The following PDPN variants were observed in gnomAD, a reference collection of about 807,000 sequenced individuals.
The protein encoded by PDPN is PA2.26 antigen.
PDPN carries 12 observed loss-of-function variants against 23.2 expected under a neutral mutation model. That is an observed-to-expected ratio of 0.52 (90% CI 0.33 to 0.84). The LOEUF is 0.84. Ranked by LOEUF, PDPN falls within the 40% of genes least tolerant of loss-of-function variation. The probability of loss-of-function intolerance (pLI) is 0.02; values close to 1 mark genes in which losing one functional copy is unlikely to be tolerated. For synonymous variants in PDPN, 77 were observed against 76.7 expected, an observed-to-expected ratio of 1.00 and a Z score of -0.02; for missense variants, 199 against 212.2, an observed-to-expected ratio of 0.94 and a Z score of 0.39.
At chr1:13,592,870 G>A (rs558724142) in intron 1 of PDPN, among the ~76,000 whole-genome samples, 6 of 152,200 alleles carry the variant, frequency 3.9e-5, no homozygotes, top group South Asian at 2.1e-4. Context: ...TTCTTTCTTC[G>A]CTGAAGAATC....
chr1:13,585,182 A>G (rs796637640), intron 1 of PDPN, among the ~76,000 whole-genome samples: 4 of 152,262 alleles, frequency 2.6e-5, no homozygotes, highest in African/African-American at 9.6e-5. Context: ...TTTTCCAAAA[A>G]TTGAGGATCA....
At chr1:13,599,944 A>C (rs906893960) in intron 1 of PDPN, among the ~76,000 whole-genome samples, 9 of 152,220 alleles carry the variant, frequency 5.9e-5, no homozygotes, top group Non-Finnish European at 1.3e-4. Flanking sequence ...TGCTCAAAGC[A>C]ACACCTCCTT....
chr1:13,584,380 C>G, intron 1 of PDPN: 1 of 1,353,110 alleles, frequency 7.4e-7, no homozygotes, highest in Non-Finnish European at 9.8e-7. Flanking sequence ...GTCGGCAGCA[C>G]CAGAGAGATC....
intron 1 of PDPN, among the ~76,000 whole-genome samples, chr1:13,593,927 C>A (rs1378116361): frequency 6.6e-6 from 1 of 152,224 alleles, no homozygotes; most frequent in Non-Finnish European, 1.5e-5. Flanking sequence ...TGATTTCAGT[C>A]TACAAAACTG....
chr1:13,585,275 G>A (rs747069295), intron 1 of PDPN, among the ~76,000 whole-genome samples: 2 of 152,158 alleles, frequency 1.3e-5, no homozygotes, highest in Non-Finnish European at 2.9e-5. Flanking sequence ...CTCCTACAAT[G>A]GTCCACACAG....
intron 4 of PDPN, 145 bp downstream of exon 4, chr1:13,613,870 C>CTTT (rs34784418): frequency 9.2e-5 from 20 of 218,274 alleles, no homozygotes; most frequent in South Asian, 1.6e-4. Context: ...AGATTTCAAG[C>CTTT]TTTTTTTTTT....
At chr1:13,584,417 C>T (rs1640121315) in intron 1 of PDPN, 2 of 1,041,910 alleles carry the variant, frequency 1.9e-6, no homozygotes, top group Admixed American at 5.9e-5. Context: ...GTAGGCAGCC[C>T]CGCTTGCTGG....
chr1:13,603,658 A>G (rs1377072243), intron 1 of PDPN, among the ~76,000 whole-genome samples: 1 of 149,836 alleles, frequency 6.7e-6, no homozygotes. Flanking sequence ...GCATGATCTC[A>G]GCTCCCTGCA....
At chr1:13,592,087 C>T (rs982126767) in intron 1 of PDPN, among the ~76,000 whole-genome samples, 3 of 152,214 alleles carry the variant, frequency 2.0e-5, no homozygotes, top group African/African-American at 7.2e-5. Context: ...TCTTTTTATG[C>T]ACTTCTTCGC....
At chr1:13,588,996 A>ATTGAATAGTGCTACTATTCAATAAC (rs1223644848) in intron 1 of PDPN, among the ~76,000 whole-genome samples, 1 of 151,720 alleles carries the variant, frequency 6.6e-6, no homozygotes. Context: ...TATTCAATAA[A>ATTGAATAGTGCTACTATTCAATAAC]TATTTATTGA....
chr1:13,586,795 T>A (rs942690263), intron 1 of PDPN, among the ~76,000 whole-genome samples: 24 of 137,852 alleles, frequency 1.7e-4, no homozygotes, highest in Non-Finnish European at 3.0e-4. Flanking sequence ...AGGCTGGGCA[T>A]GGTGGCTCAC....
chr1:13,599,333 A>G (rs1304359886), intron 1 of PDPN, among the ~76,000 whole-genome samples: 4 of 148,206 alleles, frequency 2.7e-5, no homozygotes, highest in Admixed American at 1.3e-4. Flanking sequence ...TGAGATCTGA[A>G]GGCATGAGGG....
chr1:13,585,137 T>TG (rs1640142494), intron 1 of PDPN, among the ~76,000 whole-genome samples: 1 of 152,208 alleles, frequency 6.6e-6, no homozygotes, highest in African/African-American at 2.4e-5. Context: ...TCTTTGGGGC[T>TG]GGAGGTTGCT....
At chr1:13,584,143 A>C in intron 1 of PDPN, 43 bp downstream of exon 1, 1 of 1,600,986 alleles carries the variant, frequency 6.2e-7, no homozygotes, top group Non-Finnish European at 8.5e-7. Context: ...GCTGATGGGG[A>C]CGAGCGAGCA....
intron 1 of PDPN, chr1:13,584,346 G>A: frequency 4.1e-6 from 6 of 1,475,496 alleles, no homozygotes; most frequent in Non-Finnish European, 5.4e-6. Context: ...TGCGAGGTGG[G>A]CAGCACAGGG....
intron 3 of PDPN, 28 bp downstream of exon 3, chr1:13,610,544 GC>G (rs764011879): frequency 8.1e-6 from 13 of 1,605,870 alleles, no homozygotes; most frequent in African/African-American, 1.3e-5. Flanking sequence ...CTCCATGGGG[GC>G]TGATCTACTT....
At chr1:13,591,225 C>T (rs1366171481) in intron 1 of PDPN, among the ~76,000 whole-genome samples, 2 of 152,174 alleles carry the variant, frequency 1.3e-5, no homozygotes, top group African/African-American at 4.8e-5. Flanking sequence ...CAGGCGTGAG[C>T]CACCATGTGC....
chr1:13,595,668 AG>A (rs1404953979), intron 1 of PDPN, among the ~76,000 whole-genome samples: 2 of 152,210 alleles, frequency 1.3e-5, no homozygotes, highest in African/African-American at 4.8e-5. Context: ...GCACACAGTC[AG>A]GTCTCATCTC....
In PDPN at chr1:13,588,039, G is replaced by A. The variant is rs1316052628; in HGVS notation, c.67+3939G>A. Among the ~76,000 whole-genome samples the A allele has an allele frequency of 3.9e-5, 6 of 152,300 alleles. No homozygotes were observed. The South Asian group carries it at 1.0e-3, about 26-fold the overall frequency. On this transcript the variant is annotated intron_variant, in intron 1 of 5. Transcript: ENST00000621990. ...TCAAGCTAAGTCCAGGGGGAAGTAC[G>A]CAGGTATGGCCAACTCGTTCATGTA...
Sources: allele counts gnomAD v4.1 joint callset (sites outside exome capture counted in the v4.1 genomes callset), GRCh38; gene constraint gnomAD v4.1.1; transcripts MANE v1.5; gene names NCBI Gene and HGNC (gene_info 2026-07-23, HGNC 2026-07-21).